PRKACB: variants seen among roughly 807,000 people sequenced by gnomAD.
PRKACB encodes cAMP-dependent protein kinase catalytic subunit beta.
PRKACB carries 16 observed loss-of-function variants against 51.4 expected under a neutral mutation model. The ratio of observed to expected loss-of-function variants is 0.31; its 90% confidence interval spans 0.21 to 0.47. The LOEUF (loss-of-function observed/expected upper bound fraction) is 0.47. PRKACB is among the 20% of genes least tolerant of loss of function. The pLI is 1.00. For synonymous variants in PRKACB, 147 were observed against 154.4 expected (o/e 0.95, Z 0.35); for missense variants, 309 against 464.5 (o/e 0.67, Z 3.08).
chr1:84,138,757 T>C (rs1344517621), intron 1 of PRKACB, among the ~76,000 whole-genome samples: 1 of 152,204 alleles, frequency 6.6e-6, no homozygotes, highest in Non-Finnish European at 1.5e-5. Context: ...AATGTATCTT[T>C]ATGAACACAA....
At chr1:84,184,251 A>G in intron 4 of PRKACB, 116 bp downstream of exon 4, 1 of 846,344 alleles carries the variant, frequency 1.2e-6, no homozygotes, top group Non-Finnish European at 1.7e-6. Flanking sequence ...AAACAAAACG[A>G]ATACCTCTAG....
chr1:84,233,031 T>C (rs1241168258), intron 9 of PRKACB, among the ~76,000 whole-genome samples: 1 of 151,826 alleles, frequency 6.6e-6, no homozygotes, highest in African/African-American at 2.4e-5. Context: ...CATTTTGGCA[T>C]GATTTTGCAG....
chr1:84,225,839 C>A (rs947708498), intron 9 of PRKACB, among the ~76,000 whole-genome samples: 2 of 152,186 alleles, frequency 1.3e-5, no homozygotes, highest in African/African-American at 4.8e-5. Flanking sequence ...CTGGTCCCAG[C>A]TAGGCCAGCT....
At chr1:84,181,662 G>A (rs1182731552) in intron 2 of PRKACB, 4 of 1,499,838 alleles carry the variant, frequency 2.7e-6, no homozygotes, top group South Asian at 2.5e-5. Flanking sequence ...GCTCTCTCAT[G>A]CTGCTACTAT....
At chr1:84,216,215 T>C (rs1672858433) in intron 9 of PRKACB, among the ~76,000 whole-genome samples, 1 of 152,088 alleles carries the variant, frequency 6.6e-6, no homozygotes, top group Non-Finnish European at 1.5e-5. Context: ...GGCTCATCCC[T>C]GTAATCCGAG....
chr1:84,097,484 C>A (rs190701431), intron 1 of PRKACB, among the ~76,000 whole-genome samples: 1 of 151,920 alleles, frequency 6.6e-6, no homozygotes, highest in Non-Finnish European at 1.5e-5. Context: ...TAAGGGTTCT[C>A]CAGAGAAACA....
At chr1:84,161,264 A>G (rs1039508531) in intron 1 of PRKACB, among the ~76,000 whole-genome samples, 8 of 151,862 alleles carry the variant, frequency 5.3e-5, no homozygotes, top group Admixed American at 1.3e-4. Context: ...ATTTTGTCTA[A>G]TATTGATATA....
chr1:84,222,273 C>CT (rs1222998248), intron 9 of PRKACB, among the ~76,000 whole-genome samples: 1 of 151,960 alleles, frequency 6.6e-6, no homozygotes, highest in Non-Finnish European at 1.5e-5. Context: ...TGTATGAAAT[C>CT]TTTTTCTGTC....
At chr1:84,218,860 G>A (rs1387725348) in intron 9 of PRKACB, among the ~76,000 whole-genome samples, 1 of 152,104 alleles carries the variant, frequency 6.6e-6, no homozygotes, top group Non-Finnish European at 1.5e-5. Flanking sequence ...ATATCTCACT[G>A]TGGTTTTGAT....
At chr1:84,164,811 T>TA (rs1656858727) in intron 1 of PRKACB, 1 of 1,382,358 alleles carries the variant, frequency 7.2e-7, no homozygotes, top group South Asian at 1.9e-5. Flanking sequence ...TGATATCTCA[T>TA]GCTAGGCAGT....
chr1:84,159,932 A>G (rs1035345582), intron 1 of PRKACB, among the ~76,000 whole-genome samples: 4 of 152,086 alleles, frequency 2.6e-5, no homozygotes, highest in Admixed American at 6.6e-5. Flanking sequence ...TAAATCCCAC[A>G]TGGTCATTGT....
chr1:84,153,453 T>C (rs1655079165), intron 1 of PRKACB, among the ~76,000 whole-genome samples: 1 of 152,112 alleles, frequency 6.6e-6, no homozygotes, highest in Non-Finnish European at 1.5e-5. Flanking sequence ...CCTGTATTAA[T>C]GCATTATTAT....
At chr1:84,199,311 A>C (rs942410315) in intron 7 of PRKACB, among the ~76,000 whole-genome samples, 1 of 151,624 alleles carries the variant, frequency 6.6e-6, no homozygotes, top group East Asian at 1.9e-4. Context: ...CCCTACCTCC[A>C]CCCTCAAGTA....
intron 2 of PRKACB, chr1:84,181,578 GAA>G: frequency 1.2e-6 from 1 of 848,168 alleles, no homozygotes; most frequent in African/African-American, 1.8e-5. Flanking sequence ...GTAGAATGAG[GAA>G]CTCTTCTTTC....
chr1:84,124,732 G>T (rs1651412729), intron 1 of PRKACB, among the ~76,000 whole-genome samples: 1 of 152,170 alleles, frequency 6.6e-6, no homozygotes. Flanking sequence ...GGTGGTAGTG[G>T]TGGTTGAGGG....
intron 1 of PRKACB, among the ~76,000 whole-genome samples, chr1:84,163,715 G>A (rs756578308): frequency 6.6e-6 from 1 of 152,022 alleles, no homozygotes; most frequent in African/African-American, 2.4e-5. Flanking sequence ...CCAGAGCCAT[G>A]AAATCATTGT....
At chr1:84,105,268 T>C (rs955889397) in intron 1 of PRKACB, among the ~76,000 whole-genome samples, 1 of 152,188 alleles carries the variant, frequency 6.6e-6, no homozygotes, top group African/African-American at 2.4e-5. Context: ...GTCACTCCTC[T>C]CTTCTGGATG....
chr1:84,078,294 T>A, exon 1 of PRKACB: 1 of 1,589,908 alleles, frequency 6.3e-7, no homozygotes. Context: ...CCCCCTTCCC[T>A]TCCCTGACCC....
chr1:84,083,831 G>A (rs1308337363), intron 1 of PRKACB, among the ~76,000 whole-genome samples: 1 of 152,100 alleles, frequency 6.6e-6, no homozygotes, highest in Non-Finnish European at 1.5e-5. Flanking sequence ...ACTTTTAAAT[G>A]TATTCCTTCA....
Sources: gnomAD v4.1 joint callset for allele counts (sites outside exome capture counted in the v4.1 genomes callset) on GRCh38, gnomAD v4.1.1 for gene constraint, MANE v1.5 for transcripts, NCBI Gene and HGNC (gene_info 2026-07-23, HGNC 2026-07-21) for gene names.